DGKB: variants seen among roughly 807,000 people sequenced by gnomAD.
DGKB encodes the protein 90 kDa diacylglycerol kinase.
A neutral mutation model predicts 114.3 loss-of-function variants in DGKB; 67 were observed. The ratio of observed to expected loss-of-function variants is 0.59; its 90% CI spans 0.48 to 0.72. The LOEUF is 0.72. Ranked by LOEUF, DGKB falls within the 30% of genes least tolerant of loss-of-function variation. The pLI is 0.00. For synonymous variants in DGKB, 398 were observed against 323.1 expected, an observed-to-expected ratio of 1.23 and a Z score of -2.49; for missense variants, 907 against 975.2, an observed-to-expected ratio of 0.93 and a Z score of 0.93.
At chr7:14,499,321 T>G (rs1785771704) in intron 20 of DGKB, among the ~76,000 whole-genome samples, 2 of 151,838 alleles carry the variant, frequency 1.3e-5, no homozygotes, top group South Asian at 2.1e-4. Context: ...ACTTAACAAC[T>G]TTGGCAGGAA....
At chr7:14,441,358 C>T (rs922740511) in intron 21 of DGKB, among the ~76,000 whole-genome samples, 2 of 152,042 alleles carry the variant, frequency 1.3e-5, no homozygotes, top group African/African-American at 4.8e-5. Flanking sequence ...TCTTCATATT[C>T]ACAGAAGTTC....
At chr7:14,278,439 C>A (rs1406863465) in intron 23 of DGKB, among the ~76,000 whole-genome samples, 1 of 152,130 alleles carries the variant, frequency 6.6e-6, no homozygotes, top group Non-Finnish European at 1.5e-5. Flanking sequence ...CGGATATCCA[C>A]GTGCAGAGGA....
intron 21 of DGKB, among the ~76,000 whole-genome samples, chr7:14,373,475 G>A (rs2128659608): frequency 6.6e-6 from 1 of 152,250 alleles, no homozygotes; most frequent in East Asian, 1.9e-4. Flanking sequence ...ATTCCGTACA[G>A]TGAGTTCTTT....
At chr7:14,915,942 TTTCTTA>T (rs151090309) in intron 1 of DGKB, among the ~76,000 whole-genome samples, 1,524 of 152,234 alleles carry the variant, frequency 0.01, 28 homozygotes, top group African/African-American at 0.034. Context: ...ATGTTTTGCT[TTTCTTA>T]TTCTTAATTA....
At chr7:14,445,029 A>G (rs1030621628) in intron 21 of DGKB, among the ~76,000 whole-genome samples, 8 of 151,898 alleles carry the variant, frequency 5.3e-5, no homozygotes, top group African/African-American at 1.9e-4. Flanking sequence ...TATGGCATTA[A>G]TTCTTAAAGT....
chr7:14,177,554 CAAAAAA>C (rs56019837), intron 24 of DGKB, among the ~76,000 whole-genome samples: 4 of 69,024 alleles, frequency 5.8e-5, no homozygotes, highest in South Asian at 1.3e-3. Flanking sequence ...AACTCCGTCT[CAAAAAA>C]AAAAAAAAAA....
chr7:14,522,914 A>C (rs908829171), intron 20 of DGKB, among the ~76,000 whole-genome samples: 4 of 152,188 alleles, frequency 2.6e-5, no homozygotes, highest in Admixed American at 6.6e-5. Flanking sequence ...GAACTGAGAC[A>C]AGAAAGCATA....
At chr7:14,390,340 A>T (rs1356626615) in intron 21 of DGKB, among the ~76,000 whole-genome samples, 1 of 152,180 alleles carries the variant, frequency 6.6e-6, no homozygotes, top group African/African-American at 2.4e-5. Flanking sequence ...ATTTTACTTT[A>T]ATAATTTAAA....
chr7:14,739,154 A>G (rs1832169145), intron 4 of DGKB, among the ~76,000 whole-genome samples: 1 of 152,232 alleles, frequency 6.6e-6, no homozygotes, highest in African/African-American at 2.4e-5. Context: ...ATGAACTTTA[A>G]TATCTAACGA....
chr7:14,877,390 T>C (rs1030741915), intron 1 of DGKB, among the ~76,000 whole-genome samples: 3 of 152,070 alleles, frequency 2.0e-5, no homozygotes, highest in African/African-American at 7.2e-5. Flanking sequence ...ACCCCGTCTC[T>C]ACTGAAAATA....
intron 20 of DGKB, among the ~76,000 whole-genome samples, chr7:14,514,473 T>G (rs775450334): frequency 1.3e-5 from 2 of 152,162 alleles, no homozygotes; most frequent in Admixed American, 6.5e-5. Context: ...CAGCTTTTAC[T>G]TTTACTTGCA....
chr7:14,261,227 A>G (rs1222906492), intron 23 of DGKB, among the ~76,000 whole-genome samples: 1 of 151,676 alleles, frequency 6.6e-6, no homozygotes, highest in East Asian at 1.9e-4. Context: ...TTACGGTGGG[A>G]AAAATCTGTC....
chr7:14,155,900 G>A (rs1028327414), intron 25 of DGKB, among the ~76,000 whole-genome samples: 3 of 152,152 alleles, frequency 2.0e-5, no homozygotes, highest in Non-Finnish European at 2.9e-5. Flanking sequence ...TGTGGTGTTC[G>A]GAAGGGAGAA....
chr7:14,933,179 CTT>C (rs1346774258), intron 1 of DGKB, among the ~76,000 whole-genome samples: 5 of 152,178 alleles, frequency 3.3e-5, no homozygotes, highest in Non-Finnish European at 7.3e-5. Flanking sequence ...TACAATAAAT[CTT>C]TGTTTCCCTG....
chr7:14,192,879 A>C (rs1459878252), intron 23 of DGKB, among the ~76,000 whole-genome samples: 2 of 151,072 alleles, frequency 1.3e-5, no homozygotes, highest in East Asian at 3.9e-4. Flanking sequence ...GGGTGATGGG[A>C]AACACTGACA....
At chr7:14,720,170 C>G (rs1382563601) in intron 5 of DGKB, among the ~76,000 whole-genome samples, 1 of 152,030 alleles carries the variant, frequency 6.6e-6, no homozygotes, top group African/African-American at 2.4e-5. Context: ...TCTATATTAA[C>G]CTACTCATAT....
At chr7:14,319,382 A>G (rs1807296515) in intron 23 of DGKB, among the ~76,000 whole-genome samples, 1 of 152,202 alleles carries the variant, frequency 6.6e-6, no homozygotes, top group Non-Finnish European at 1.5e-5. Context: ...ATTTATAAAA[A>G]GCAATACAGT....
At chr7:14,644,738 G>A (rs779694722) in intron 13 of DGKB, among the ~76,000 whole-genome samples, 43 of 152,256 alleles carry the variant, frequency 2.8e-4, no homozygotes, top group Non-Finnish European at 5.1e-4. Flanking sequence ...TTTAAATTCT[G>A]GGAGTTCCAA....
chr7:14,284,863 G>A (rs866930965), intron 23 of DGKB, among the ~76,000 whole-genome samples: 2 of 120,314 alleles, frequency 1.7e-5, no homozygotes, highest in Non-Finnish European at 1.7e-5. Context: ...GACTGTTTTG[G>A]GGTGGGGGGA....
Sources: gnomAD v4.1 joint callset for allele counts (sites outside exome capture counted in the v4.1 genomes callset) on GRCh38, gnomAD v4.1.1 for gene constraint, MANE v1.5 for transcripts, NCBI Gene and HGNC (gene_info 2026-07-23, HGNC 2026-07-21) for gene names.